DCAF17: variants seen among roughly 807,000 people sequenced by gnomAD.
DCAF17 encodes DDB1- and CUL4-associated factor 17.
DCAF17 carries 48 observed loss-of-function variants against 66.0 expected under a neutral mutation model. That is an observed-to-expected ratio of 0.73 (90% confidence interval 0.58 to 0.92). The LOEUF (loss-of-function observed/expected upper bound fraction) is 0.92. DCAF17 is among the 40% of genes least tolerant of loss of function. The pLI is 0.00. For missense variants in DCAF17, 562 were observed against 622.8 expected (o/e 0.90, Z 1.04); for synonymous variants, 206 against 214.6 (o/e 0.96, Z 0.35).
chr2:171,448,032 A>C (rs1306938412), intron 3 of DCAF17, among the ~76,000 whole-genome samples: 1 of 152,244 alleles, frequency 6.6e-6, no homozygotes, highest in African/African-American at 2.4e-5. Flanking sequence ...ACCACAGTGA[A>C]TAATGAAGTA....
chr2:171,484,507 G>T lies in DCAF17; in HGVS notation c.*3393G>T, dbSNP rs1477028228. On this transcript the variant is annotated 3_prime_UTR_variant, in exon 14 of 14. Coordinates refer to ENST00000375255, the MANE Select transcript of DCAF17 (RefSeq NM_025000.4). ...TTTTTGATGGATTTCAAAATAAATTGCAGTTGCTGATATACTTCCCCCTAG... is the reference window on the plus strand; with the variant it reads ...TTTTTGATGGATTTCAAAATAAATTTCAGTTGCTGATATACTTCCCCCTAG... 3 of 447,424 alleles carry T rather than the reference G, an allele frequency of 6.7e-6. No homozygotes were observed. In the East Asian group the frequency reaches 2.1e-4, roughly 31 times the overall value. 27.7% of individuals were successfully genotyped at this position (447,424 alleles called of 1,614,324 possible). A position where few individuals can be genotyped will look rare whatever the true frequency, so the allele number is the denominator to read the frequency against.
rs1286753301 is a variant in DCAF17 at position 171,434,597 on chromosome 2, C to A, written c.20C>A (p.Pro7His). The A allele has an allele frequency of 1.3e-6, 2 of 1,528,044 alleles. No homozygotes were observed. The highest frequency in any genetic ancestry group is 2.4e-5 in the South Asian group (2 of 83,516). 94.7% of individuals were successfully genotyped at this position (1,528,044 alleles called of 1,614,324 possible). MGPTRK[P>H]NVCSRLSRRA... Reference sequence around the variant, plus strand: ...GCCTCCATGGGCCCGACCCGGAAGCCCAACGTGTGCAGCCGGCTGAGTCGC... The same window carrying A: ...GCCTCCATGGGCCCGACCCGGAAGCACAACGTGTGCAGCCGGCTGAGTCGC... The change falls in exon 1 of 14, where the codon CCC becomes CAC. Residue 7 changes from proline to histidine, a missense_variant. Transcript: ENST00000375255.
In DCAF17 at chr2:171,434,524, T is replaced by C. The variant is rs1487579813; in HGVS notation, c.-54T>C. The C allele has an allele frequency of 4.6e-6, 7 of 1,520,676 alleles. No homozygotes were observed. The African/African-American group carries it at 7.0e-5, about 15-fold the overall frequency. 94.2% of individuals were successfully genotyped at this position (1,520,676 alleles called of 1,614,324 possible). A position where few individuals can be genotyped will look rare whatever the true frequency, so the allele number is the denominator to read the frequency against. On this transcript the variant is annotated 5_prime_UTR_variant, in exon 1 of 14. Transcript: ENST00000375255. ...CAGCGGCGGCTGCCCAGCACGGGAGTGTGGGGCGCGCCACTCGGCGGCCCA... is the reference window on the plus strand; with the variant it reads ...CAGCGGCGGCTGCCCAGCACGGGAGCGTGGGGCGCGCCACTCGGCGGCCCA...
In DCAF17 at chr2:171,434,255, G is replaced by C. The variant is rs754795856; in HGVS notation, c.-323G>C. ...AGCCGGGCTGCCTCACGAGGCACTA[G>C]GAACTACATTTCCCGGTGAGAGAGC... is the stretch of plus-strand genomic sequence containing the variant. On this transcript the variant is annotated 5_prime_UTR_variant, in exon 1 of 14. Coordinates refer to ENST00000375255, the MANE Select transcript of DCAF17 (RefSeq NM_025000.4). 7 of 504,942 alleles carry C rather than the reference G, an allele frequency of 1.4e-5. No individual in the cohort carries two copies. Among genetic ancestry groups the C allele is most frequent in the Non-Finnish European group, 2.3e-5 (6 of 260,544 alleles). 31.3% of individuals were successfully genotyped at this position (504,942 alleles called of 1,614,324 possible).
intron 8 of DCAF17, 91 bp downstream of exon 8, chr2:171,458,568 A>G (rs557969150): frequency 9.6e-7 from 1 of 1,039,890 alleles, no homozygotes; most frequent in East Asian, 2.6e-5. Flanking sequence ...TGTTTTTCTC[A>G]TTTATTTAAA....
intron 5 of DCAF17, among the ~76,000 whole-genome samples, chr2:171,451,244 T>A (rs757639715): frequency 6.6e-6 from 1 of 152,132 alleles, no homozygotes; most frequent in Non-Finnish European, 1.5e-5. Context: ...TACTTCTACT[T>A]ACTTTTTATC....
intron 9 of DCAF17, among the ~76,000 whole-genome samples, chr2:171,471,191 C>G (rs1179159482): frequency 6.6e-6 from 1 of 152,128 alleles, no homozygotes; most frequent in African/African-American, 2.4e-5. Flanking sequence ...AGTTTTTAGT[C>G]CTTTTATCAC....
chr2:171,461,529 T>C (rs1317230419), intron 8 of DCAF17, among the ~76,000 whole-genome samples: 1 of 152,006 alleles, frequency 6.6e-6, no homozygotes, highest in African/African-American at 2.4e-5. Context: ...TTACATGGGG[T>C]TAACTGTTAT....
rs1392479418 is a variant in DCAF17, at chr2:171,483,535, C to T, written c.*2421C>T. ...ATCACAACTCTGGGAGAAAACAAAA[C>T]AAATCCTATCCTATTTACTATTTGT... is the stretch of plus-strand genomic sequence containing the variant. On this transcript the variant is annotated 3_prime_UTR_variant, in exon 14 of 14. Coordinates refer to ENST00000375255, the MANE Select transcript of DCAF17 (RefSeq NM_025000.4). 1 of 453,986 alleles carries T rather than the reference C, an allele frequency of 2.2e-6. No individual in the cohort carries two copies. Among genetic ancestry groups the T allele is most frequent in the Admixed American group, 2.4e-5 (1 of 42,552 alleles). 28.1% of individuals were successfully genotyped at this position (453,986 alleles called of 1,614,324 possible). A position where few individuals can be genotyped will look rare whatever the true frequency, so the allele number is the denominator to read the frequency against.
In DCAF17 at chr2:171,483,062, G is replaced by T. The variant is rs1264452010; in HGVS notation, c.*1948G>T. 6.6e-6 allele frequency: 3 copies of T among 453,974 alleles called. No individual in the cohort carries two copies. Among genetic ancestry groups the T allele is most frequent in the East Asian group, 1.4e-4 (2 of 14,406 alleles). 28.1% of individuals were successfully genotyped at this position (453,974 alleles called of 1,614,324 possible). ...CAGTATGTGGGAATGTAGGCTGCAT[G>T]GTTGTTAACAAGATAGATGGTAAAA... On this transcript the variant is annotated 3_prime_UTR_variant, in exon 14 of 14. Transcript: ENST00000375255.
chr2:171,463,224 T>TAAA lies in DCAF17; in HGVS notation c.838+4761_838+4763dup, dbSNP rs945893879. ...CAGCCTGGGCGATGGAGCGAGATTT[T>TAAA]AAAAAAAAAAAAAAAACAGAAAGAA... On this transcript the variant is annotated intron_variant, in intron 8 of 13. Transcript: ENST00000375255. Among the ~76,000 whole-genome samples the TAAA allele has an allele frequency of 6.3e-3, 865 of 137,682 alleles. 14 individuals carry two copies. Among genetic ancestry groups the TAAA allele is most frequent in the African/African-American group, 0.018 (647 of 36,958 alleles). The allele number at this position is 137,682 out of a possible 152,430, so 90.3% of individuals were successfully genotyped here. A position where few individuals can be genotyped will look rare whatever the true frequency, so the allele number is the denominator to read the frequency against.
intron 5 of DCAF17, among the ~76,000 whole-genome samples, chr2:171,452,762 C>T (rs1330653844): frequency 6.6e-6 from 1 of 152,236 alleles, no homozygotes; most frequent in African/African-American, 2.4e-5. Flanking sequence ...CCTGATCCAG[C>T]AGCTTTCAAA....
chr2:171,481,313 T>C lies in DCAF17; in HGVS notation c.*199T>C. ...GACTTCATTTTTTTTAAAGGTTTTT[T>C]AGAATACTGTTCCAAGAAGTTTAGT... On this transcript the variant is annotated 3_prime_UTR_variant, in exon 14 of 14. Transcript: ENST00000375255. 1.5e-6 allele frequency: 1 copy of C among 685,910 alleles called. No individual in the cohort carries two copies. Among genetic ancestry groups the C allele is most frequent in the Non-Finnish European group, 2.6e-6 (1 of 384,354 alleles). 42.5% of individuals were successfully genotyped at this position (685,910 alleles called of 1,614,324 possible). A position where few individuals can be genotyped will look rare whatever the true frequency, so the allele number is the denominator to read the frequency against.
chr2:171,442,903 A>G (rs1694387326), intron 2 of DCAF17, among the ~76,000 whole-genome samples: 1 of 152,042 alleles, frequency 6.6e-6, no homozygotes, highest in Non-Finnish European at 1.5e-5. Flanking sequence ...AAAATTAAAC[A>G]TTTATGATCA....
At chr2:171,463,226 A>T (rs891068387) in intron 8 of DCAF17, among the ~76,000 whole-genome samples, 5 of 148,732 alleles carry the variant, frequency 3.4e-5, no homozygotes, top group African/African-American at 1.2e-4. Context: ...CGAGATTTTA[A>T]AAAAAAAAAA....
chr2:171,446,004 AAAC>A (rs1272091578), intron 3 of DCAF17, among the ~76,000 whole-genome samples: 7 of 152,160 alleles, frequency 4.6e-5, no homozygotes, highest in Non-Finnish European at 1.0e-4. Context: ...AATCTTCATG[AAAC>A]AACATTTAGA....
At position 171,434,602 on chromosome 2, in the gene DCAF17, G is replaced by T. The variant is rs752565445; in HGVS notation, c.25G>T (p.Val9Leu). Reference protein sequence around the residue: MGPTRKPNVCSRLSRRALG... With the variant: MGPTRKPNLCSRLSRRALG... ...CATGGGCCCGACCCGGAAGCCCAACGTGTGCAGCCGGCTGAGTCGCCGGGC... is the reference window on the plus strand; with the variant it reads ...CATGGGCCCGACCCGGAAGCCCAACTTGTGCAGCCGGCTGAGTCGCCGGGC... The change falls in exon 1 of 14, where the codon GTG (valine) becomes TTG (leucine). Residue 9 changes from valine to leucine, a missense_variant. By Grantham distance (32) the Val-to-Leu change is conservative. Coordinates refer to ENST00000375255, the MANE Select transcript of DCAF17 (RefSeq NM_025000.4). 5 of 1,527,920 alleles carry T rather than the reference G, an allele frequency of 3.3e-6. No individual in the cohort carries two copies. Among genetic ancestry groups the T allele is most frequent in the African/African-American group, 2.8e-5 (2 of 71,478 alleles). 94.6% of individuals were successfully genotyped at this position (1,527,920 alleles called of 1,614,324 possible). A position where few individuals can be genotyped will look rare whatever the true frequency, so the allele number is the denominator to read the frequency against.
intron 8 of DCAF17, among the ~76,000 whole-genome samples, chr2:171,463,300 G>GT (rs1174866714): frequency 1.4e-5 from 2 of 139,724 alleles, no homozygotes; most frequent in East Asian, 4.2e-4. Context: ...GTACTATTAA[G>GT]TAAAAAAAAA....
Position 171,481,735 on chromosome 2 carries a change from T to A in DCAF17, c.*621T>A. On this transcript the variant is annotated 3_prime_UTR_variant, in exon 14 of 14. Coordinates refer to ENST00000375255, the MANE Select transcript of DCAF17 (RefSeq NM_025000.4). ...CTTTTCTTCCTTGGTTTTGTTCTCT[T>A]GGCTTGATGTTCACATTGAATATTT... The A allele has an allele frequency of 2.2e-6, 1 of 453,948 alleles. No homozygotes were observed. Among genetic ancestry groups the A allele is most frequent in the Non-Finnish European group, 4.4e-6 (1 of 226,726 alleles). 28.1% of individuals were successfully genotyped at this position (453,948 alleles called of 1,614,324 possible).
Sources: allele counts gnomAD v4.1 joint callset (sites outside exome capture counted in the v4.1 genomes callset), GRCh38; gene constraint gnomAD v4.1.1; transcripts MANE v1.5; gene names NCBI Gene and HGNC (gene_info 2026-07-23, HGNC 2026-07-21).